The following RUNX1 variants were observed in gnomAD, a reference collection of about 807,000 sequenced individuals.
RUNX1 encodes the protein RUNX family transcription factor 1.
In RUNX1, 19 loss-of-function variants were observed where a neutral mutation model predicts 42.8. The observed-to-expected ratio is 0.44, with a 90% CI of 0.31 to 0.65. The LOEUF (loss-of-function observed/expected upper bound fraction) is 0.65, where lower values mean the gene tolerates loss of function less well. Ranked by LOEUF, RUNX1 falls within the 30% of genes least tolerant of loss-of-function variation. The probability of loss-of-function intolerance (pLI) is 0.07; values close to 1 mark genes in which losing one functional copy is unlikely to be tolerated. For missense variants in RUNX1, 528 were observed against 672.0 expected, an observed-to-expected ratio of 0.79 and a Z score of 2.37; for synonymous variants, 271 against 289.4, an observed-to-expected ratio of 0.94 and a Z score of 0.64.
rs532099759 is a variant in RUNX1, at chr21:34,880,456, C to G, written c.508+101G>C. The G allele has an allele frequency of 1.5e-5, 17 of 1,106,316 alleles. No homozygotes were observed. In the African/African-American group the frequency reaches 2.4e-4, roughly 16 times the overall value. 68.5% of individuals were successfully genotyped at this position (1,106,316 alleles called of 1,614,324 possible). A position where few individuals can be genotyped will look rare whatever the true frequency, so the allele number is the denominator to read the frequency against. ...ATAGCAATAAGAATGTTAAGACAGA[C>G]CGAGTTTCTAGGGATTCCATCACAG... is the stretch of plus-strand genomic sequence containing the variant. On this transcript the variant is annotated intron_variant, in intron 5 of 8. Coordinates refer to ENST00000675419, the MANE Select transcript of RUNX1 (RefSeq NM_001754.5).
At chr21:34,989,014 C>CTCT (rs752573187) in intron 2 of RUNX1, among the ~76,000 whole-genome samples, 9,879 of 145,776 alleles carry the variant, frequency 0.068, 1,117 homozygotes, top group African/African-American at 0.24. Flanking sequence ...CTCTCTCTCT[C>CTCT]TTTTTTTTTT....
intron 7 of RUNX1, chr21:34,833,372 G>GGGAT (rs1270374431): frequency 6.6e-6 from 1 of 152,256 alleles, no homozygotes; most frequent in African/African-American, 2.4e-5. Context: ...CCAAAGTGCT[G>GGGAT]GGATTACACG....
intron 2 of RUNX1, among the ~76,000 whole-genome samples, chr21:35,012,155 T>C (rs1014918508): frequency 6.6e-6 from 1 of 152,178 alleles, no homozygotes; most frequent in Non-Finnish European, 1.5e-5. Flanking sequence ...AATAGGCAAG[T>C]TTAAAAATCG....
intron 2 of RUNX1, among the ~76,000 whole-genome samples, chr21:34,940,821 T>C (rs868666742): frequency 3.9e-5 from 6 of 152,216 alleles, no homozygotes; most frequent in South Asian, 2.1e-4. Flanking sequence ...ATCTCCTCCA[T>C]TGATCTCAGA....
At chr21:34,930,532 C>T (rs1437317389) in intron 2 of RUNX1, among the ~76,000 whole-genome samples, 2 of 151,776 alleles carry the variant, frequency 1.3e-5, no homozygotes, top group African/African-American at 4.9e-5. Context: ...GGGACATGTG[C>T]TCAATGGGCA....
In RUNX1 at chr21:34,826,392, T is replaced by C. The variant is rs1195198642; in HGVS notation, c.805+8018A>G. Among the ~76,000 whole-genome samples, 3 of 151,220 alleles carry C rather than the reference T, an allele frequency of 2.0e-5. No homozygotes were observed. In the East Asian group the frequency reaches 5.9e-4, roughly 30 times the overall value. On this transcript the variant is annotated intron_variant, in intron 7 of 8. Coordinates refer to ENST00000675419, the MANE Select transcript of RUNX1 (RefSeq NM_001754.5). ...CACCATGCTCTTGGACTTCCCTGCC[T>C]CCAGAACCATATGAAATAAATTTCT...
chr21:34,804,971 T>TCGA (rs1326070939), intron 7 of RUNX1, among the ~76,000 whole-genome samples: 1 of 152,200 alleles, frequency 6.6e-6, no homozygotes, highest in East Asian at 1.9e-4. Context: ...TAGGTTGGTC[T>TCGA]CGAACTCCTG....
At chr21:34,917,940 C>T (rs564058620) in intron 2 of RUNX1, among the ~76,000 whole-genome samples, 2 of 151,950 alleles carry the variant, frequency 1.3e-5, no homozygotes, top group Admixed American at 1.3e-4. Flanking sequence ...ACCAGCCTGG[C>T]CAACATGGTG....
intron 7 of RUNX1, among the ~76,000 whole-genome samples, chr21:34,823,193 G>GA (rs1284941122): frequency 6.6e-6 from 1 of 152,224 alleles, no homozygotes; most frequent in African/African-American, 2.4e-5. Flanking sequence ...CGAGGGCCTT[G>GA]AGGCTTGACT....
intron 7 of RUNX1, among the ~76,000 whole-genome samples, chr21:34,814,626 C>G (rs966974201): frequency 1.2e-4 from 19 of 152,314 alleles, no homozygotes; most frequent in African/African-American, 4.3e-4. Context: ...GAGCACATGC[C>G]AGACAGCAAT....
In RUNX1 at chr21:34,941,197, T is replaced by G. The variant is rs951616712; in HGVS notation, c.59-48234A>C. Among the ~76,000 whole-genome samples the G allele has an allele frequency of 4.7e-4, 71 of 152,096 alleles. 1 individual carries two copies. The highest frequency in any genetic ancestry group is 5.2e-4 in the Admixed American group (8 of 15,262). The stretch of plus-strand genomic sequence containing the variant: ...CTGTGTTCCCTCTAATGTCCAGGAG[T>G]CCCTCTGGCTCCCTTTAGCCTCTGT... On this transcript the variant is annotated intron_variant, in intron 2 of 8. Transcript: ENST00000675419.
intron 2 of RUNX1, among the ~76,000 whole-genome samples, chr21:34,928,471 A>G (rs1379330326): frequency 6.6e-6 from 1 of 152,134 alleles, no homozygotes; most frequent in Admixed American, 6.5e-5. Context: ...AGGTGGATGG[A>G]TCACTTTAAG....
chr21:34,826,304 G>A (rs2056986214), intron 7 of RUNX1, among the ~76,000 whole-genome samples: 1 of 152,160 alleles, frequency 6.6e-6, no homozygotes, highest in South Asian at 2.1e-4. Context: ...TCTTGCACAT[G>A]CTTTCTTGTG....
At chr21:34,895,972 T>TAAGGTAG (rs79491923) in intron 2 of RUNX1, among the ~76,000 whole-genome samples, 39,154 of 151,516 alleles carry the variant, frequency 0.26, 5,578 homozygotes, top group African/African-American at 0.37. Context: ...GGATCTGGAT[T>TAAGGTAG]AAGCAATGGA....
intron 7 of RUNX1, among the ~76,000 whole-genome samples, chr21:34,809,305 G>A (rs538804799): frequency 3.9e-5 from 6 of 152,066 alleles, no homozygotes; most frequent in Admixed American, 1.3e-4. Context: ...CCTTTGCCCC[G>A]CTTAGTTCCT....
intron 2 of RUNX1, among the ~76,000 whole-genome samples, chr21:34,917,162 T>A (rs2058317861): frequency 6.6e-6 from 1 of 152,172 alleles, no homozygotes; most frequent in African/African-American, 2.4e-5. Context: ...TAAGTGACCA[T>A]GCTTCAGGTA....
intron 2 of RUNX1, among the ~76,000 whole-genome samples, chr21:35,012,313 C>G (rs920686908): frequency 6.6e-6 from 1 of 152,132 alleles, no homozygotes; most frequent in Non-Finnish European, 1.5e-5. Context: ...ACCTCCTTTT[C>G]TAGGATTATG....
At chr21:34,982,574 T>A (rs1215838909) in intron 2 of RUNX1, among the ~76,000 whole-genome samples, 2 of 152,202 alleles carry the variant, frequency 1.3e-5, no homozygotes, top group African/African-American at 2.4e-5. Flanking sequence ...TTACTTTTTT[T>A]ATTTTTATTT....
At chr21:34,828,239 T>C (rs2057016329) in intron 7 of RUNX1, among the ~76,000 whole-genome samples, 1 of 152,248 alleles carries the variant, frequency 6.6e-6, no homozygotes, top group Non-Finnish European at 1.5e-5. Context: ...TAAGACTTAA[T>C]ATTGTTTACC....
Sources: allele counts gnomAD v4.1 joint callset (sites outside exome capture counted in the v4.1 genomes callset), GRCh38; gene constraint gnomAD v4.1.1; transcripts MANE v1.5; gene names NCBI Gene and HGNC (gene_info 2026-07-23, HGNC 2026-07-21).